CNTNAP5: variants seen among roughly 807,000 people sequenced by gnomAD.
CNTNAP5 encodes contactin-associated protein-like 5.
A neutral mutation model predicts 150.2 loss-of-function variants in CNTNAP5; 72 were observed. The ratio of observed to expected loss-of-function variants is 0.48; its 90% CI spans 0.40 to 0.58. CNTNAP5 has a LOEUF of 0.58. Ranked by LOEUF, CNTNAP5 falls within the 20% of genes least tolerant of loss-of-function variation. The probability of loss-of-function intolerance (pLI) is 0.00; values close to 1 mark genes in which losing one functional copy is unlikely to be tolerated. For missense variants in CNTNAP5, 1,636 were observed against 1,626.2 expected, an observed-to-expected ratio of 1.01 and a Z score of -0.10; for synonymous variants, 672 against 619.8, an observed-to-expected ratio of 1.08 and a Z score of -1.25.
At chr2:124,453,271 G>C (rs1202082009) in intron 6 of CNTNAP5, among the ~76,000 whole-genome samples, 1 of 151,746 alleles carries the variant, frequency 6.6e-6, no homozygotes, top group African/African-American at 2.4e-5. Context: ...CAAACCAGTA[G>C]AAGAAAGAAC....
chr2:124,362,602 A>G (rs1690243842), intron 3 of CNTNAP5, among the ~76,000 whole-genome samples: 1 of 152,226 alleles, frequency 6.6e-6, no homozygotes. Flanking sequence ...AAAGTTAGAA[A>G]AAGAAAACTG....
intron 1 of CNTNAP5, among the ~76,000 whole-genome samples, chr2:124,190,482 C>A (rs1022342325): frequency 6.6e-6 from 1 of 152,128 alleles, no homozygotes; most frequent in Non-Finnish European, 1.5e-5. Flanking sequence ...GCTTATTAGA[C>A]CAAGTCTCCC....
At chr2:124,421,644 A>C (rs1028241483) in intron 4 of CNTNAP5, among the ~76,000 whole-genome samples, 3 of 152,090 alleles carry the variant, frequency 2.0e-5, no homozygotes, top group African/African-American at 7.2e-5. Context: ...GGTCACCAAA[A>C]TGTTCTTTAT....
At chr2:124,552,881 AATGTCTC>A (rs1334340088) in intron 10 of CNTNAP5, among the ~76,000 whole-genome samples, 1 of 152,124 alleles carries the variant, frequency 6.6e-6, no homozygotes, top group Non-Finnish European at 1.5e-5. Context: ...TATTCGTTTT[AATGTCTC>A]ATGGCATTCT....
At chr2:124,361,714 C>T (rs1034179420) in intron 3 of CNTNAP5, among the ~76,000 whole-genome samples, 2 of 150,632 alleles carry the variant, frequency 1.3e-5, no homozygotes, top group African/African-American at 4.9e-5. Flanking sequence ...CTCTTCAAAG[C>T]TGTCAGACAG....
At chr2:124,263,157 A>G (rs1687505562) in intron 3 of CNTNAP5, among the ~76,000 whole-genome samples, 1 of 152,178 alleles carries the variant, frequency 6.6e-6, no homozygotes, top group Non-Finnish European at 1.5e-5. Flanking sequence ...TCCTTTGGGT[A>G]TATACCCAGT....
intron 3 of CNTNAP5, among the ~76,000 whole-genome samples, chr2:124,311,537 A>C (rs1244011911): frequency 2.0e-5 from 3 of 152,166 alleles, no homozygotes; most frequent in Non-Finnish European, 2.9e-5. Flanking sequence ...TCCACCCTTA[A>C]TTACTTCCTA....
intron 7 of CNTNAP5, among the ~76,000 whole-genome samples, chr2:124,481,610 T>A (rs1200823198): frequency 8.5e-5 from 13 of 152,196 alleles, no homozygotes; most frequent in Admixed American, 8.5e-4. Context: ...ACACTTTAAA[T>A]GTATATTTAT....
intron 3 of CNTNAP5, among the ~76,000 whole-genome samples, chr2:124,271,873 C>A (rs914818231): frequency 1.3e-5 from 2 of 151,994 alleles, no homozygotes; most frequent in Non-Finnish European, 2.9e-5. Flanking sequence ...CGCCACCATT[C>A]CCAGCTAATT....
intron 3 of CNTNAP5, among the ~76,000 whole-genome samples, chr2:124,300,782 C>T (rs1573901366): frequency 6.6e-6 from 1 of 152,308 alleles, no homozygotes; most frequent in East Asian, 1.9e-4. Context: ...GGGACAACAG[C>T]AGCTTTTCAG....
intron 11 of CNTNAP5, among the ~76,000 whole-genome samples, chr2:124,578,394 A>C (rs1696342022): frequency 6.6e-6 from 1 of 151,898 alleles, no homozygotes; most frequent in South Asian, 2.1e-4. Flanking sequence ...TCTACATTGC[A>C]ACAAAACTTG....
At chr2:124,660,493 T>G (rs1356941478) in intron 13 of CNTNAP5, among the ~76,000 whole-genome samples, 1 of 152,120 alleles carries the variant, frequency 6.6e-6, no homozygotes, top group African/African-American at 2.4e-5. Context: ...ATGTTAAATA[T>G]AAAAAGAAAT....
At chr2:124,436,053 T>G (rs1168564894) in intron 5 of CNTNAP5, among the ~76,000 whole-genome samples, 1 of 152,170 alleles carries the variant, frequency 6.6e-6, no homozygotes, top group East Asian at 1.9e-4. Context: ...CAAACATGCA[T>G]CAATACATTT....
intron 3 of CNTNAP5, among the ~76,000 whole-genome samples, chr2:124,387,754 G>T (rs937892974): frequency 1.3e-5 from 2 of 152,070 alleles, no homozygotes; most frequent in Non-Finnish European, 2.9e-5. Flanking sequence ...GTTACTTCAG[G>T]CCATCTGGAT....
intron 1 of CNTNAP5, among the ~76,000 whole-genome samples, chr2:124,073,008 G>T (rs2104666359): frequency 6.6e-6 from 1 of 152,112 alleles, no homozygotes; most frequent in African/African-American, 2.4e-5. Context: ...AATAAAAGCA[G>T]ACACATAGAC....
At chr2:124,256,459 T>C (rs554817966) in intron 3 of CNTNAP5, among the ~76,000 whole-genome samples, 4 of 151,974 alleles carry the variant, frequency 2.6e-5, no homozygotes, top group South Asian at 4.2e-4. Context: ...TGGTTGTGAG[T>C]CTCCAATGGT....
intron 1 of CNTNAP5, among the ~76,000 whole-genome samples, chr2:124,166,486 A>C (rs1684812569): frequency 6.6e-6 from 1 of 152,170 alleles, no homozygotes; most frequent in South Asian, 2.1e-4. Context: ...TAACTGTCAG[A>C]TCAGCTTAGA....
At chr2:124,554,542 T>C (rs997066248) in intron 10 of CNTNAP5, among the ~76,000 whole-genome samples, 2 of 151,910 alleles carry the variant, frequency 1.3e-5, no homozygotes, top group African/African-American at 2.4e-5. Context: ...CACTTCAGCT[T>C]CTCAAGTAGC....
At chr2:124,124,787 C>A (rs1021310444) in intron 1 of CNTNAP5, among the ~76,000 whole-genome samples, 5 of 152,148 alleles carry the variant, frequency 3.3e-5, no homozygotes, top group African/African-American at 4.8e-5. Context: ...GAATTTTCAA[C>A]CCAGAATTTC....
Sources: allele counts gnomAD v4.1 joint callset (sites outside exome capture counted in the v4.1 genomes callset), GRCh38; gene constraint gnomAD v4.1.1; transcripts MANE v1.5; gene names NCBI Gene and HGNC (gene_info 2026-07-23, HGNC 2026-07-21).